The following F13A1 variants were observed in gnomAD, a reference collection of about 807,000 sequenced individuals.
F13A1 encodes FSF, A subunit.
Under a neutral mutation model 80.1 loss-of-function variants are expected in F13A1, and 47 were observed. That is an observed-to-expected ratio of 0.59 (90% CI 0.46 to 0.75). The LOEUF (loss-of-function observed/expected upper bound fraction) is 0.75, where lower values mean the gene tolerates loss of function less well. Among genes scored for constraint, F13A1 ranks in the 30% least tolerant of loss-of-function variants. F13A1 has a pLI of 0.00. For missense variants in F13A1, 817 were observed against 930.4 expected (o/e 0.88, Z 1.59); for synonymous variants, 349 against 344.9 (o/e 1.01, Z -0.13).
intron 13 of F13A1, among the ~76,000 whole-genome samples, chr6:6,165,133 C>T (rs1760644251): frequency 1.3e-5 from 2 of 152,164 alleles, no homozygotes; most frequent in South Asian, 4.1e-4. Context: ...GAATCTCCAT[C>T]TCTCTCATGC....
chr6:6,189,855 G>A (rs926366652), intron 10 of F13A1, among the ~76,000 whole-genome samples: 8 of 151,902 alleles, frequency 5.3e-5, no homozygotes, highest in Non-Finnish European at 1.0e-4. Flanking sequence ...TCACTTTCAG[G>A]TACACCAGTG....
At chr6:6,160,150 G>A (rs975209595) in intron 13 of F13A1, among the ~76,000 whole-genome samples, 4 of 151,280 alleles carry the variant, frequency 2.6e-5, no homozygotes, top group African/African-American at 7.3e-5. Flanking sequence ...GGTGGTGGGC[G>A]CCTGTAATCC....
At chr6:6,203,067 A>AAGCAT (rs1761425928) in intron 8 of F13A1, among the ~76,000 whole-genome samples, 2 of 152,252 alleles carry the variant, frequency 1.3e-5, no homozygotes, top group African/African-American at 4.8e-5. Context: ...GGGAAAGTGG[A>AAGCAT]AGCATGGAAG....
Position 6,250,867 on chromosome 6 carries a change from C to T in F13A1, c.634G>A (p.Val212Ile). The T allele has an allele frequency of 6.2e-7, 1 of 1,613,756 alleles. No individual in the cohort carries two copies. The highest frequency in any genetic ancestry group is 8.5e-7 in the Non-Finnish European group (1 of 1,179,834). The change falls in exon 5 of 15, where the codon GTA becomes ATA. Residue 212 changes from valine to isoleucine, a missense_variant. Val to Ile is a conservative substitution (Grantham distance 29). Coordinates refer to ENST00000264870, the MANE Select transcript of F13A1 (RefSeq NM_000129.4). This position sits in a 1 kb window ranked among gnomAD's most constrained non-coding sequence, Gnocchi z 4.2. ...TCATTGACCTCTCCATAAAAAATTA[C>T]CCCGATGTCATTCAGGACATACTCT... is the stretch of plus-strand genomic sequence containing the variant. ...REEYVLNDIGVIFYGEVNDIK... is the reference protein window; with the variant it reads ...REEYVLNDIGIIFYGEVNDIK...
intron 8 of F13A1, among the ~76,000 whole-genome samples, chr6:6,221,799 T>G (rs1001224340): frequency 2.0e-5 from 3 of 152,222 alleles, no homozygotes; most frequent in Non-Finnish European, 4.4e-5. Context: ...GACCTTTTTT[T>G]GGTGGTTGCT....
intron 4 of F13A1, among the ~76,000 whole-genome samples, chr6:6,253,413 G>A (rs1473797726): frequency 6.6e-6 from 1 of 152,192 alleles, no homozygotes; most frequent in African/African-American, 2.4e-5. Flanking sequence ...TCTAAAATAT[G>A]ACTGCGCAGC....
At position 6,209,378 on chromosome 6, in the gene F13A1, AC is replaced by A. The variant is rs558282395; in HGVS notation, c.1113-12053del. On this transcript the variant is annotated intron_variant, in intron 8 of 14. Transcript: ENST00000264870. ...TTATTTGCAAGAATATGAAGTTGGA[AC>A]TTTTGTGTATTGCTAGTGGGAATAC... is the stretch of plus-strand genomic sequence containing the variant. Among the ~76,000 whole-genome samples, 437 of 152,132 alleles carry A rather than the reference AC, an allele frequency of 2.9e-3. 4 individuals are homozygous for A. Among genetic ancestry groups the A allele is most frequent in the African/African-American group, 0.01 (419 of 41,526 alleles).
At chr6:6,236,836 G>A (rs116040910) in intron 6 of F13A1, among the ~76,000 whole-genome samples, 1 of 152,102 alleles carries the variant, frequency 6.6e-6, no homozygotes, top group African/African-American at 2.4e-5. Flanking sequence ...AACATCAAAG[G>A]CCTAGCGTTA....
chr6:6,294,090 T>C (rs986473355), intron 3 of F13A1, among the ~76,000 whole-genome samples: 3 of 151,494 alleles, frequency 2.0e-5, no homozygotes, highest in African/African-American at 7.3e-5. Context: ...AACCTGCACA[T>C]TTACCCCCGA....
intron 6 of F13A1, among the ~76,000 whole-genome samples, chr6:6,227,069 A>G (rs1222700911): frequency 1.3e-5 from 2 of 152,222 alleles, no homozygotes; most frequent in Admixed American, 6.5e-5. Flanking sequence ...CTGCATGGGT[A>G]TTATGTAAGT....
chr6:6,160,128 T>C (rs986709795), intron 13 of F13A1, among the ~76,000 whole-genome samples: 3 of 151,176 alleles, frequency 2.0e-5, no homozygotes, highest in African/African-American at 7.3e-5. Context: ...AATGCAAAAA[T>C]TATCTGGGCG....
At chr6:6,263,038 C>T (rs1189342195) in intron 4 of F13A1, among the ~76,000 whole-genome samples, 4 of 152,250 alleles carry the variant, frequency 2.6e-5, no homozygotes, top group East Asian at 3.8e-4. Flanking sequence ...ATGATTGCAA[C>T]GTGCAGCCAA....
At chr6:6,156,568 T>TC (rs1348723981) in intron 13 of F13A1, among the ~76,000 whole-genome samples, 1 of 152,164 alleles carries the variant, frequency 6.6e-6, no homozygotes, top group South Asian at 2.1e-4. Flanking sequence ...TATTTTTCCC[T>TC]CCCCCTTGGC....
At chr6:6,234,665 A>G (rs1271779491) in intron 6 of F13A1, among the ~76,000 whole-genome samples, 8 of 152,012 alleles carry the variant, frequency 5.3e-5, no homozygotes, top group Non-Finnish European at 1.5e-5. Flanking sequence ...GTTAATTGAT[A>G]CCATCTAACA....
intron 3 of F13A1, among the ~76,000 whole-genome samples, chr6:6,280,017 G>C (rs1213606968): frequency 6.6e-6 from 1 of 152,176 alleles, no homozygotes; most frequent in African/African-American, 2.4e-5. Flanking sequence ...AAAAGCAAGT[G>C]TTAAATGAGT....
intron 3 of F13A1, among the ~76,000 whole-genome samples, chr6:6,290,630 TC>T (rs1561680654): frequency 6.6e-6 from 1 of 152,108 alleles, no homozygotes; most frequent in African/African-American, 2.4e-5. Flanking sequence ...GGAACTTTTT[TC>T]CCCCAAGGAG....
chr6:6,316,318 G>A (rs1210312401), intron 2 of F13A1, among the ~76,000 whole-genome samples: 4 of 151,134 alleles, frequency 2.6e-5, no homozygotes, highest in Non-Finnish European at 2.9e-5. Flanking sequence ...AGAGCTATGA[G>A]TCATTCAATT....
intron 3 of F13A1, among the ~76,000 whole-genome samples, chr6:6,277,449 C>A (rs1319947553): frequency 6.6e-6 from 1 of 151,906 alleles, no homozygotes; most frequent in East Asian, 1.9e-4. Flanking sequence ...AGTCATGAAC[C>A]CCTGCATTTA....
chr6:6,236,571 T>C (rs1173305079), intron 6 of F13A1, among the ~76,000 whole-genome samples: 1 of 152,160 alleles, frequency 6.6e-6, no homozygotes, highest in Non-Finnish European at 1.5e-5. Flanking sequence ...GTATAGTTAC[T>C]ATTTCTTTCT....
Sources: gnomAD v4.1 joint callset for allele counts (sites outside exome capture counted in the v4.1 genomes callset) on GRCh38, gnomAD v4.1.1 for gene constraint, Gnocchi (gnomAD v3.1) non-coding constraint, MANE v1.5 for transcripts, NCBI Gene and HGNC (gene_info 2026-07-23, HGNC 2026-07-21) for gene names.